SETX: variants seen among roughly 807,000 people sequenced by gnomAD.
SETX encodes helicase senataxin.
SETX carries 90 observed loss-of-function variants against 227.2 expected under a neutral mutation model. That is an observed-to-expected ratio of 0.40 (90% CI 0.33 to 0.47). The LOEUF is 0.47. SETX is among the 20% of genes least tolerant of loss of function. The probability of loss-of-function intolerance (pLI) is 0.91; values close to 1 mark genes in which losing one functional copy is unlikely to be tolerated. For synonymous variants in SETX, 1,210 were observed against 1,113.2 expected (o/e 1.09, Z -1.73); for missense variants, 3,052 against 3,181.5 (o/e 0.96, Z 0.98).
intron 15 of SETX, among the ~76,000 whole-genome samples, chr9:132,293,401 G>C (rs932681487): frequency 6.6e-6 from 1 of 152,122 alleles, no homozygotes; most frequent in African/African-American, 2.4e-5. Flanking sequence ...TCTGTACTCA[G>C]AGAGGATATC....
chr9:132,275,975 G>A (rs1004867784), intron 22 of SETX, among the ~76,000 whole-genome samples: 7 of 152,064 alleles, frequency 4.6e-5, no homozygotes, highest in Non-Finnish European at 7.4e-5. Context: ...TGGGGCCCTG[G>A]AGCAGGTTCA....
At chr9:132,352,204 G>C in intron 2 of SETX, among the ~76,000 whole-genome samples, 1 of 152,242 alleles carries the variant, frequency 6.6e-6, no homozygotes, top group East Asian at 1.9e-4. Context: ...TTCCTGACCT[G>C]ACTCTGCTAA....
rs192075331 is a variant in SETX at position 132,322,932 on chromosome 9, C to T, written c.5274+3392G>A. ...CAAGAGTTCCAGGAAACTAAAAATACGCTAAAAAGGATTCAACGGACTTAG... is the reference window on the plus strand; with the variant it reads ...CAAGAGTTCCAGGAAACTAAAAATATGCTAAAAAGGATTCAACGGACTTAG... On this transcript the variant is annotated intron_variant, in intron 10 of 25. Coordinates refer to ENST00000224140, the MANE Select transcript of SETX (RefSeq NM_015046.7). Among the ~76,000 whole-genome samples the T allele has an allele frequency of 6.5e-4, 98 of 151,928 alleles. 2 individuals carry two copies. The highest frequency in any genetic ancestry group is 5.6e-3 in the Admixed American group (86 of 15,256).
At chr9:132,314,854 C>T (rs1659615546) in intron 10 of SETX, among the ~76,000 whole-genome samples, 1 of 149,756 alleles carries the variant, frequency 6.7e-6, no homozygotes, top group African/African-American at 2.4e-5. Flanking sequence ...GTGTGTGACC[C>T]CAAGAAAATT....
At chr9:132,354,118 T>C (rs758341149) in intron 1 of SETX, among the ~76,000 whole-genome samples, 19 of 152,198 alleles carry the variant, frequency 1.2e-4, no homozygotes, top group Non-Finnish European at 2.6e-4. Flanking sequence ...CCGTTTCACT[T>C]GGGTCGTGCA....
chr9:132,331,084 C>T lies in SETX; in HGVS notation c.1066G>A (p.Val356Ile), dbSNP rs143270460. ...GTCTTTTCAGGATTATAATTGTATA[C>T]GATCTGGCTGCAAGTCACCATATCA... is the stretch of plus-strand genomic sequence containing the variant. ...LDDMVTCSQI[V>I]YNYNPEKTKK... The change falls in exon 9 of 26, where the codon GTA (valine) becomes ATA (isoleucine). Residue 356 changes from valine (V) to isoleucine (I), a missense_variant. Transcript: ENST00000224140. 71 of 1,613,030 alleles carry T rather than the reference C, an allele frequency of 4.4e-5. No individual in the cohort carries two copies. The African/African-American group carries it at 5.3e-4, about 12-fold the overall frequency.
Position 132,330,069 on chromosome 9 carries a change from T to C in SETX, c.1529A>G (p.Asn510Ser), listed in dbSNP as rs915163448. 4 of 1,614,108 alleles carry C rather than the reference T, an allele frequency of 2.5e-6. No individual in the cohort carries two copies. The highest frequency in any genetic ancestry group is 2.7e-5 in the African/African-American group (2 of 74,946). ...TATCATTGCTGTTCCTTTGGAGCAA[T>C]TTCCAGATGATTTCTCAGAACTCCG... is the stretch of plus-strand genomic sequence containing the variant. ...FTRSSEKSSG[N>S]CSKGTAMISS... The change falls in exon 10 of 26, where the codon AAT (asparagine) becomes AGT (serine). Residue 510 changes from asparagine to serine, a missense_variant. Transcript: ENST00000224140.
chr9:132,342,470 C>G (rs1178160901), intron 5 of SETX, among the ~76,000 whole-genome samples: 1 of 152,190 alleles, frequency 6.6e-6, no homozygotes, highest in Admixed American at 6.5e-5. Context: ...TCCCGTTTGT[C>G]TTTTAAGATC....
intron 5 of SETX, among the ~76,000 whole-genome samples, chr9:132,340,014 A>T (rs1847862562): frequency 6.6e-6 from 1 of 151,900 alleles, no homozygotes; most frequent in South Asian, 2.1e-4. Flanking sequence ...TTTATCTTTT[A>T]GCTTTTCTTT....
chr9:132,261,635 C>G lies in SETX; in HGVS notation c.*2604G>C, dbSNP rs1842417995. ...GCTATAGCAAAAAATTGCTAATCTG[C>G]ACAACTTTAAAAAATAGTTCAGTAC... On this transcript the variant is annotated 3_prime_UTR_variant, in exon 26 of 26. Coordinates refer to ENST00000224140, the MANE Select transcript of SETX (RefSeq NM_015046.7). 6.5e-6 allele frequency: 1 copy of G among 152,774 alleles called. No individual in the cohort carries two copies. Among genetic ancestry groups the G allele is most frequent in the South Asian group, 2.1e-4 (1 of 4,836 alleles). The allele number at this position is 152,774 out of a possible 1,614,324, so 9.5% of individuals were successfully genotyped here. A position where few individuals can be genotyped will look rare whatever the true frequency, so the allele number is the denominator to read the frequency against.
intron 11 of SETX, among the ~76,000 whole-genome samples, chr9:132,305,949 T>C (rs549176545): frequency 2.6e-5 from 4 of 152,326 alleles, no homozygotes; most frequent in Admixed American, 1.3e-4. Context: ...ATGTTAACAT[T>C]TGAGGAAACT....
At position 132,329,569 on chromosome 9, in the gene SETX, C is replaced by T; in HGVS notation, c.2029G>A (p.Val677Met). ...DNNEQNYIKD[V>M]KLEDHLLAGS... ...GCTAAGAGATGGTCCTCTAGTTTCA[C>T]ATCCTTTATATAATTTTGCTCATTA... The change falls in exon 10 of 26, where the codon GTG becomes ATG. Residue 677 changes from valine (V) to methionine (M), a missense_variant. Val to Met is a conservative substitution (Grantham distance 21). Transcript: ENST00000224140. 1 of 1,613,536 alleles carries T rather than the reference C, an allele frequency of 6.2e-7. No homozygotes were observed. The highest frequency in any genetic ancestry group is 1.7e-5 in the Admixed American group (1 of 60,018).
chr9:132,331,231 T>A (rs1847215563), intron 8 of SETX, 46 bp downstream of exon 8: 2 of 1,612,102 alleles, frequency 1.2e-6, no homozygotes, highest in African/African-American at 1.3e-5. Flanking sequence ...TGGAACACAC[T>A]TTCTTATAGA....
intron 10 of SETX, among the ~76,000 whole-genome samples, chr9:132,320,822 G>C (rs1589721321): frequency 1.3e-5 from 2 of 152,144 alleles, no homozygotes; most frequent in Middle Eastern, 3.4e-3. Flanking sequence ...AGAACAAAAA[G>C]GACAGAAGAG....
intron 5 of SETX, among the ~76,000 whole-genome samples, chr9:132,337,991 G>A (rs1331936580): frequency 1.7e-4 from 26 of 151,860 alleles, no homozygotes; most frequent in Admixed American, 1.7e-3. Context: ...GACAAGCTGA[G>A]AAGGACAGTA....
chr9:132,291,794 T>C (rs1053636142), intron 15 of SETX, among the ~76,000 whole-genome samples: 1 of 152,170 alleles, frequency 6.6e-6, no homozygotes, highest in Non-Finnish European at 1.5e-5. Context: ...TTTAAAATTC[T>C]ATTGAGTTTG....
At chr9:132,335,208 G>A (rs913795988) in intron 6 of SETX, among the ~76,000 whole-genome samples, 4 of 151,534 alleles carry the variant, frequency 2.6e-5, no homozygotes, top group East Asian at 2.0e-4. Context: ...GGCTAACATG[G>A]TGAAACCCCG....
rs772044862 is a variant in SETX, at chr9:132,330,394, G to A, written c.1204C>T (p.Arg402Cys). Residue 402 changes from arginine to cysteine, a missense_variant, in exon 10 of 26, where the codon CGT becomes TGT. Arg to Cys is a radical substitution (Grantham distance 180). Coordinates refer to ENST00000224140, the MANE Select transcript of SETX (RefSeq NM_015046.7). ...VLQSDIGQDMRVHNSTFLWFI... is the reference protein window; with the variant it reads ...VLQSDIGQDMCVHNSTFLWFI... ...CATAGAAATGTGCTGTTATGAACAC[G>A]CATGTCTTGACCAATATCTGACTGA... The A allele has an allele frequency of 1.5e-5, 25 of 1,613,938 alleles. No homozygotes were observed. Among genetic ancestry groups the A allele is most frequent in the Non-Finnish European group, 1.8e-5 (21 of 1,179,952 alleles).
At position 132,327,979 on chromosome 9, in the gene SETX, T is replaced by C. The variant is rs1564540878; in HGVS notation, c.3619A>G (p.Thr1207Ala). 3 of 1,613,820 alleles carry C rather than the reference T, an allele frequency of 1.9e-6. No homozygotes were observed. Among genetic ancestry groups the C allele is most frequent in the Admixed American group, 1.7e-5 (1 of 59,952 alleles). ...GCTCTCTGAATACGTGAATTGGGAGTTGAAGTCCTTCTATCAATACTTTTA... is the reference window on the plus strand; with the variant it reads ...GCTCTCTGAATACGTGAATTGGGAGCTGAAGTCCTTCTATCAATACTTTTA... The part of the protein sequence containing the change: ...DFKSIDRRTS[T>A]PNSRIQRATT... Residue 1207 changes from threonine (T) to alanine (A), a missense_variant, in exon 10 of 26, where the codon ACT becomes GCT. Coordinates refer to ENST00000224140, the MANE Select transcript of SETX (RefSeq NM_015046.7).
Sources: allele counts gnomAD v4.1 joint callset (sites outside exome capture counted in the v4.1 genomes callset), GRCh38; gene constraint gnomAD v4.1.1; transcripts MANE v1.5; gene names NCBI Gene and HGNC (gene_info 2026-07-23, HGNC 2026-07-21).